The following SLC71A2 variants were observed in gnomAD, a reference collection of about 807,000 sequenced individuals.
SLC71A2 encodes the protein solute carrier family 71 member 2.
At chr9:94,459,088 G>GTAATC in the SLC71A2 span, 5 of 1,483,022 alleles carry the variant, frequency 3.4e-6, no homozygotes, top group Admixed American at 2.0e-5. Flanking sequence ...TTTTTTTTGG[G>GTAATC]TAATCTAGGA....
chr9:94,451,419 T>C, the SLC71A2 span: 1 of 997,966 alleles, frequency 1.0e-6, no homozygotes, highest in Non-Finnish European at 1.5e-6. Flanking sequence ...TTTTATAATA[T>C]CTATATTACT....
At chr9:94,445,196 TGGAA>T in the SLC71A2 span, 1 of 1,569,388 alleles carries the variant, frequency 6.4e-7, no homozygotes, top group Non-Finnish European at 8.7e-7. Flanking sequence ...AATAAAAATA[TGGAA>T]ATATTTACTT....
chr9:94,459,491 G>T, the SLC71A2 span: 1 of 1,512,234 alleles, frequency 6.6e-7, no homozygotes, highest in Non-Finnish European at 9.0e-7. Flanking sequence ...ACTTCATGGT[G>T]CTGGATGGGA....
the SLC71A2 span, chr9:94,459,530 T>G: frequency 1.0e-6 from 1 of 989,472 alleles, no homozygotes; most frequent in Non-Finnish European, 1.5e-6. Flanking sequence ...CAGGGCCAAG[T>G]TTGATAAATA....
the SLC71A2 span, among the ~76,000 whole-genome samples, chr9:94,400,287 T>TCC: frequency 6.6e-6 from 1 of 152,056 alleles, no homozygotes; most frequent in African/African-American, 2.4e-5. Flanking sequence ...TCCTGACCTA[T>TCC]GAGGGGAAAG....
chr9:94,434,453 A>G, the SLC71A2 span, among the ~76,000 whole-genome samples: 2 of 152,272 alleles, frequency 1.3e-5, no homozygotes, highest in African/African-American at 4.8e-5. Context: ...AGTAGCTGAG[A>G]TTACAGGCAC....
chr9:94,445,194 T>C, the SLC71A2 span: 1 of 1,573,840 alleles, frequency 6.4e-7, no homozygotes, highest in Non-Finnish European at 8.7e-7. Flanking sequence ...TAAATAAAAA[T>C]ATGGAAATAT....
chr9:94,439,485 T>C, the SLC71A2 span, among the ~76,000 whole-genome samples: 2 of 151,936 alleles, frequency 1.3e-5, no homozygotes, highest in African/African-American at 4.8e-5. Context: ...CTCTTTCTTA[T>C]GTGAAGAACA....
chr9:94,406,066 A>ATTTTTT, the SLC71A2 span, among the ~76,000 whole-genome samples: 6,433 of 63,572 alleles, frequency 0.1, 1,313 homozygotes, highest in East Asian at 0.14. Context: ...TGCAACTTGA[A>ATTTTTT]TTTTTTTTTT....
At chr9:94,414,711 G>T in the SLC71A2 span, among the ~76,000 whole-genome samples, 1 of 152,150 alleles carries the variant, frequency 6.6e-6, no homozygotes, top group Non-Finnish European at 1.5e-5. Flanking sequence ...CCAGGTTGGA[G>T]TGCAGTGGCG....
the SLC71A2 span, among the ~76,000 whole-genome samples, chr9:94,423,263 CTCT>C: frequency 2.8e-5 from 3 of 105,918 alleles, no homozygotes; most frequent in African/African-American, 1.1e-4. Context: ...TTCTCTCTCT[CTCT>C]TTTTTTTTTT....
chr9:94,384,329 A>C, the SLC71A2 span, among the ~76,000 whole-genome samples: 1 of 146,466 alleles, frequency 6.8e-6, no homozygotes, highest in African/African-American at 2.5e-5. Flanking sequence ...CCGTGTGTCA[A>C]ATTTTCCTTT....
At chr9:94,417,961 A>G in the SLC71A2 span, among the ~76,000 whole-genome samples, 6 of 143,434 alleles carry the variant, frequency 4.2e-5, no homozygotes, top group Middle Eastern at 3.4e-3. Context: ...GGTTCAAGCA[A>G]TTCTCCTGCC....
the SLC71A2 span, among the ~76,000 whole-genome samples, chr9:94,420,808 A>G: frequency 6.6e-6 from 1 of 152,122 alleles, no homozygotes; most frequent in African/African-American, 2.4e-5. Context: ...CTGAGAAAGG[A>G]GAATCGCTTG....
At chr9:94,460,925 T>TTG in the SLC71A2 span, 1 of 135,942 alleles carries the variant, frequency 7.4e-6, no homozygotes, top group Non-Finnish European at 1.6e-5. Context: ...CTTTTATGTC[T>TTG]TGTGTCTTTT....
chr9:94,450,732 G>A, the SLC71A2 span, among the ~76,000 whole-genome samples: 4 of 152,080 alleles, frequency 2.6e-5, no homozygotes, highest in South Asian at 4.1e-4. Flanking sequence ...CTGATGATCC[G>A]CCTGCCTTGG....
the SLC71A2 span, among the ~76,000 whole-genome samples, chr9:94,426,675 C>G: frequency 1.3e-5 from 2 of 152,056 alleles, no homozygotes; most frequent in African/African-American, 4.8e-5. Context: ...TTTCTTAAAA[C>G]TTTATAGTTA....
the SLC71A2 span, among the ~76,000 whole-genome samples, chr9:94,420,949 T>G: frequency 6.6e-6 from 1 of 152,074 alleles, no homozygotes; most frequent in Non-Finnish European, 1.5e-5. Flanking sequence ...GAAATTCAAA[T>G]CAAACCATTA....
At chr9:94,452,025 GA>G in the SLC71A2 span, among the ~76,000 whole-genome samples, 1 of 152,190 alleles carries the variant, frequency 6.6e-6, no homozygotes, top group African/African-American at 2.4e-5. Flanking sequence ...TGTTTTCTCA[GA>G]AAAGATGATT....
Sources: allele counts gnomAD v4.1 joint callset (sites outside exome capture counted in the v4.1 genomes callset), GRCh38; gene constraint gnomAD v4.1.1; transcripts MANE v1.5; gene names NCBI Gene and HGNC (gene_info 2026-07-23, HGNC 2026-07-21).